The following SUDS3 variants were observed in gnomAD, a reference collection of about 807,000 sequenced individuals.
SUDS3 encodes SIN3A corepressor complex component SDS3.
In SUDS3, 23 loss-of-function variants were observed where a neutral mutation model predicts 53.5. The ratio of observed to expected loss-of-function variants is 0.43; its 90% confidence interval spans 0.31 to 0.61. The LOEUF (loss-of-function observed/expected upper bound fraction) is 0.61. Among genes scored for constraint, SUDS3 ranks in the 20% least tolerant of loss-of-function variants. The pLI is 0.10. For missense variants in SUDS3, 291 were observed against 405.9 expected, an observed-to-expected ratio of 0.72 and a Z score of 2.43; for synonymous variants, 150 against 148.5, an observed-to-expected ratio of 1.01 and a Z score of -0.08.
Position 118,392,217 on chromosome 12 carries a change from G to C in SUDS3, c.517+935G>C, listed in dbSNP as rs559357178. Among the ~76,000 whole-genome samples the C allele has an allele frequency of 2.0e-4, 31 of 152,350 alleles. 1 individual carries two copies. Among genetic ancestry groups the C allele is most frequent in the South Asian group, 4.1e-4 (2 of 4,828 alleles). Reference sequence around the variant, plus strand: ...AAAGTGCTGGGGCTCTGGTGTGTCTGATTTTAGCAGGGTTCTGTAGGAAAT... The same window carrying C: ...AAAGTGCTGGGGCTCTGGTGTGTCTCATTTTAGCAGGGTTCTGTAGGAAAT... On this transcript the variant is annotated intron_variant, in intron 6 of 11. Transcript: ENST00000543473.
At position 118,414,319 on chromosome 12, in the gene SUDS3, T is replaced by C. The variant is rs2046382388; in HGVS notation, c.889-16T>C. On this transcript the variant is annotated splice_polypyrimidine_tract_variant and intron_variant, in intron 11 of 11. Coordinates refer to ENST00000543473, the MANE Select transcript of SUDS3 (RefSeq NM_022491.3). ...TATTTAACTTTTCATCTTGTTCCCT[T>C]TCCTCTCCCCTGCAGATCTGGGTGA... 1 of 1,576,556 alleles carries C rather than the reference T, an allele frequency of 6.3e-7. No homozygotes were observed. The highest frequency in any genetic ancestry group is 2.3e-5 in the East Asian group (1 of 43,322).
intron 1 of SUDS3, among the ~76,000 whole-genome samples, chr12:118,379,697 T>G (rs1188655748): frequency 1.3e-5 from 2 of 152,218 alleles, no homozygotes; most frequent in Non-Finnish European, 2.9e-5. Context: ...GTGTCCAGTC[T>G]TACGCCTGCA....
chr12:118,404,412 T>G (rs2046292143), intron 10 of SUDS3: 1 of 152,218 alleles, frequency 6.6e-6, no homozygotes, highest in South Asian at 2.1e-4. Flanking sequence ...TGTCCTGCAT[T>G]CCTGGTTTAC....
chr12:118,396,861 A>G (rs1566203755), intron 6 of SUDS3, among the ~76,000 whole-genome samples: 1 of 152,086 alleles, frequency 6.6e-6, no homozygotes, highest in African/African-American at 2.4e-5. Context: ...CTGAGCTCCC[A>G]TTTTTTAGAT....
At chr12:118,382,702 CTG>C (rs1333265923) in intron 2 of SUDS3, among the ~76,000 whole-genome samples, 1 of 140,964 alleles carries the variant, frequency 7.1e-6, no homozygotes, top group East Asian at 2.1e-4. Flanking sequence ...GGGTCTTGCT[CTG>C]TCGCCCAGGC....
At chr12:118,399,621 C>G (rs566736199) in intron 6 of SUDS3, among the ~76,000 whole-genome samples, 1 of 151,994 alleles carries the variant, frequency 6.6e-6, no homozygotes, top group East Asian at 1.9e-4. Flanking sequence ...CACTGAAGGC[C>G]GTGGAGGTAG....
At chr12:118,391,329 G>A (rs775586691) in intron 6 of SUDS3, 47 bp downstream of exon 6, 1 of 1,554,796 alleles carries the variant, frequency 6.4e-7, no homozygotes, top group East Asian at 2.2e-5. Context: ...TGAGCGGGGG[G>A]GTGTGAAGGG....
At chr12:118,379,819 G>A (rs772182172) in intron 1 of SUDS3, among the ~76,000 whole-genome samples, 2 of 152,192 alleles carry the variant, frequency 1.3e-5, no homozygotes, top group Admixed American at 6.5e-5. Flanking sequence ...GTAAAGGCAA[G>A]CTTTTTGCAT....
intron 10 of SUDS3, among the ~76,000 whole-genome samples, 168 bp downstream of exon 10, chr12:118,403,685 G>A (rs778099647): frequency 5.6e-4 from 85 of 152,212 alleles, no homozygotes; most frequent in Admixed American, 5.2e-4. Context: ...CAATACTTCC[G>A]GTGGATCTTT....
intron 2 of SUDS3, among the ~76,000 whole-genome samples, chr12:118,381,414 G>A (rs920770750): frequency 1.3e-4 from 19 of 151,828 alleles, no homozygotes; most frequent in Middle Eastern, 3.4e-3. Context: ...ATGGAGTGTC[G>A]CTTTGTTGCC....
intron 6 of SUDS3, among the ~76,000 whole-genome samples, chr12:118,397,098 C>G (rs538343520): frequency 2.2e-4 from 34 of 152,300 alleles, no homozygotes; most frequent in Admixed American, 1.1e-3. Context: ...AGTATCTCCA[C>G]TGAAGCAAAC....
chr12:118,380,709 A>C (rs2141359382), intron 2 of SUDS3, among the ~76,000 whole-genome samples: 1 of 152,040 alleles, frequency 6.6e-6, no homozygotes, highest in South Asian at 2.1e-4. Context: ...TTTACTACTT[A>C]CTCTTTTTTT....
chr12:118,415,660 A>C lies in SUDS3; in HGVS notation c.*1227A>C, dbSNP rs1373974085. The C allele has an allele frequency of 3.9e-5, 6 of 152,168 alleles. No individual in the cohort carries two copies. In the East Asian group the frequency reaches 9.6e-4, roughly 24 times the overall value. 9.4% of individuals were successfully genotyped at this position (152,168 alleles called of 1,614,324 possible). A position where few individuals can be genotyped will look rare whatever the true frequency, so the allele number is the denominator to read the frequency against. On this transcript the variant is annotated 3_prime_UTR_variant, in exon 12 of 12. Coordinates refer to ENST00000543473, the MANE Select transcript of SUDS3 (RefSeq NM_022491.3). ...AAAATTTGGGGTTAGAGCAACTGTT[A>C]GCGTCTCTATGAGCAATCAGTAGAA...
At chr12:118,382,222 A>G (rs1486222752) in intron 2 of SUDS3, among the ~76,000 whole-genome samples, 3 of 151,518 alleles carry the variant, frequency 2.0e-5, no homozygotes, top group African/African-American at 7.3e-5. Flanking sequence ...TTGTTGTTGT[A>G]TTTTTAGTAG....
At chr12:118,383,978 T>C (rs1239962289) in intron 2 of SUDS3, 34 bp from the exon 3 acceptor site, 87 of 1,594,096 alleles carry the variant, frequency 5.5e-5, no homozygotes, top group Non-Finnish European at 7.2e-5. Context: ...ATTGAATGTT[T>C]TTATCTGTTA....
At chr12:118,399,128 C>T (rs572446415) in intron 6 of SUDS3, among the ~76,000 whole-genome samples, 2 of 152,114 alleles carry the variant, frequency 1.3e-5, no homozygotes, top group South Asian at 2.1e-4. Flanking sequence ...ACGGTGTAAG[C>T]GTGAATGAAG....
At chr12:118,382,120 A>G (rs2046069681) in intron 2 of SUDS3, among the ~76,000 whole-genome samples, 1 of 151,420 alleles carries the variant, frequency 6.6e-6, no homozygotes, top group Non-Finnish European at 1.5e-5. Context: ...TCTCACTGCA[A>G]CCTCCACCTC....
chr12:118,415,356 G>A lies in SUDS3; in HGVS notation c.*923G>A, dbSNP rs1429829707. 1 of 152,224 alleles carries A rather than the reference G, an allele frequency of 6.6e-6. No individual in the cohort carries two copies. The highest frequency in any genetic ancestry group is 1.5e-5 in the Non-Finnish European group (1 of 68,026). 9.4% of individuals were successfully genotyped at this position (152,224 alleles called of 1,614,324 possible). A position where few individuals can be genotyped will look rare whatever the true frequency, so the allele number is the denominator to read the frequency against. ...CTATAGACCCTCATGCACGATTCAA[G>A]TTTCACTCTTGTGGCTGATGCCATT... On this transcript the variant is annotated 3_prime_UTR_variant, in exon 12 of 12. Transcript: ENST00000543473.
intron 10 of SUDS3, among the ~76,000 whole-genome samples, chr12:118,403,827 C>CTGACCCCT (rs2046286569): frequency 6.6e-6 from 1 of 152,156 alleles, no homozygotes; most frequent in African/African-American, 2.4e-5. Flanking sequence ...TGTCCCCCCT[C>CTGACCCCT]TGACCCCTCT....
Sources: gnomAD v4.1 joint callset for allele counts (sites outside exome capture counted in the v4.1 genomes callset) on GRCh38, gnomAD v4.1.1 for gene constraint, MANE v1.5 for transcripts, NCBI Gene and HGNC (gene_info 2026-07-23, HGNC 2026-07-21) for gene names.